MGST1: variants seen among roughly 807,000 people sequenced by gnomAD.
MGST1 encodes the protein glutathione S-transferase 12.
Under a neutral mutation model 8.9 loss-of-function variants are expected in MGST1, and 5 were observed. The ratio of observed to expected loss-of-function variants is 0.56; its 90% confidence interval spans 0.29 to 1.19. The LOEUF (loss-of-function observed/expected upper bound fraction) is 1.19. Ranked by LOEUF, MGST1 falls within the 50% of genes most tolerant of loss-of-function variation. The probability of loss-of-function intolerance (pLI) is 0.08; values close to 1 mark genes in which losing one functional copy is unlikely to be tolerated. For synonymous variants in MGST1, 54 were observed against 67.8 expected (o/e 0.80, Z 1.00); for missense variants, 182 against 187.4 (o/e 0.97, Z 0.17).
intron 4 of MGST1, among the ~76,000 whole-genome samples, chr12:16,543,921 T>G (rs547334695): frequency 1.3e-5 from 2 of 152,236 alleles, no homozygotes; most frequent in South Asian, 4.1e-4. Flanking sequence ...GATAAATTCT[T>G]AAGTCATCAT....
At chr12:16,571,505 G>A (rs187252318) in intron 4 of MGST1, among the ~76,000 whole-genome samples, 3 of 151,882 alleles carry the variant, frequency 2.0e-5, no homozygotes, top group Non-Finnish European at 2.9e-5. Context: ...TAAAAGCAAG[G>A]GTATTCATAT....
chr12:16,447,345 G>A (rs1248381657), intron 4 of MGST1, among the ~76,000 whole-genome samples: 1 of 151,960 alleles, frequency 6.6e-6, no homozygotes, highest in Non-Finnish European at 1.5e-5. Context: ...GTATAACCTT[G>A]AGTTGCTTTT....
In MGST1 at chr12:16,560,029, A is replaced by G. The variant is rs949268170; in HGVS notation, n.483-29499A>G. Among the ~76,000 whole-genome samples the G allele has an allele frequency of 6.6e-6, 1 of 152,100 alleles. No individual in the cohort carries two copies. Among genetic ancestry groups the G allele is most frequent in the Non-Finnish European group, 1.5e-5 (1 of 68,006 alleles). ...ATAAAAAATAATAAGAATATAAAAT[A>G]CCTGCAACAAATTCCTGTATATTTG... On this transcript the variant is annotated intron_variant and non_coding_transcript_variant, in intron 4 of 4. Coordinates refer to the MGST1 transcript ENST00000538857. This position sits in a 1 kb window ranked among gnomAD's most constrained non-coding sequence, Gnocchi z 5.0.
Position 16,389,266 on chromosome 12 carries a change from C to T in MGST1, n.778+5662C>T, listed in dbSNP as rs960385847. 2.0e-5 allele frequency among the ~76,000 whole-genome samples: 3 copies of T among 152,168 alleles called. No individual in the cohort carries two copies. The highest frequency in any genetic ancestry group is 2.0e-4 in the Admixed American group (3 of 15,288). Reference sequence around the variant, plus strand: ...GAAATAGTTTGTTTACTCGATGCATCAACAGTTTGTATCTCAACAGTCATT... The same window carrying T: ...GAAATAGTTTGTTTACTCGATGCATTAACAGTTTGTATCTCAACAGTCATT... On this transcript the variant is annotated intron_variant and non_coding_transcript_variant, in intron 1 of 1. Transcript: ENST00000359720. The surrounding 1 kb of genome is among the most constrained non-coding windows in gnomAD (Gnocchi z 4.6).
chr12:16,555,340 CTTAT>C lies in MGST1; in HGVS notation n.483-34182_483-34179del, dbSNP rs1040349998. ...GCTTATTCTGATGTTTCCCAAAGCA[CTTAT>C]TTATTGGTGTATTGTTTATTTTGGT... is the stretch of plus-strand genomic sequence containing the variant. On this transcript the variant is annotated intron_variant and non_coding_transcript_variant, in intron 4 of 4. Transcript: ENST00000538857. This position sits in a 1 kb window ranked among gnomAD's most constrained non-coding sequence, Gnocchi z 5.5. Among the ~76,000 whole-genome samples the C allele has an allele frequency of 3.3e-5, 5 of 152,270 alleles. No homozygotes were observed. The highest frequency in any genetic ancestry group is 2.6e-4 in the Admixed American group (4 of 15,302).
rs1345047151 is a variant in MGST1, at chr12:16,354,133, A to G, written c.-22-98A>G. On this transcript the variant is annotated intron_variant, in intron 1 of 3. Coordinates refer to ENST00000396210, the MANE Select transcript of MGST1 (RefSeq NM_020300.5). Reference sequence around the variant, plus strand: ...AATAGTCCAAGATATTTTTAAGAACAGTATAATTAATGCTGCAATATAAGA... The same window carrying G: ...AATAGTCCAAGATATTTTTAAGAACGGTATAATTAATGCTGCAATATAAGA... 3 of 850,500 alleles carry G rather than the reference A, an allele frequency of 3.5e-6. No individual in the cohort carries two copies. The African/African-American group carries it at 5.3e-5, about 15-fold the overall frequency. 52.7% of individuals were successfully genotyped at this position (850,500 alleles called of 1,614,324 possible). A position where few individuals can be genotyped will look rare whatever the true frequency, so the allele number is the denominator to read the frequency against.
At chr12:16,393,959 T>C (rs943615148) in intron 1 of MGST1, among the ~76,000 whole-genome samples, 6 of 152,258 alleles carry the variant, frequency 3.9e-5, no homozygotes, top group Non-Finnish European at 7.3e-5. Flanking sequence ...TTTTTGCTAT[T>C]ATAAATAATG....
At chr12:16,527,918 A>G (rs1941699154) in intron 4 of MGST1, among the ~76,000 whole-genome samples, 5 of 152,016 alleles carry the variant, frequency 3.3e-5, no homozygotes, top group Admixed American at 3.3e-4. Context: ...AGAAGGTGCT[A>G]TTATCATCAA....
At chr12:16,552,012 T>C (rs1942006886) in intron 4 of MGST1, among the ~76,000 whole-genome samples, 1 of 152,032 alleles carries the variant, frequency 6.6e-6, no homozygotes, top group Non-Finnish European at 1.5e-5. Context: ...CTAAATGAAC[T>C]ACTTAATATT....
rs192666464 is a variant in MGST1, at chr12:16,564,446, G to A, written n.483-25082G>A. On this transcript the variant is annotated intron_variant and non_coding_transcript_variant, in intron 4 of 4. Coordinates refer to the MGST1 transcript ENST00000538857. ...GGTTTAGTGTATATCCATTTCTAACGTTCCTGCGGACTGGGGGTAGGGAAA... is the reference window on the plus strand; with the variant it reads ...GGTTTAGTGTATATCCATTTCTAACATTCCTGCGGACTGGGGGTAGGGAAA... Among the ~76,000 whole-genome samples, 67 of 152,316 alleles carry A rather than the reference G, an allele frequency of 4.4e-4. 1 individual carries two copies. Among genetic ancestry groups the A allele is most frequent in the African/African-American group, 1.6e-3 (65 of 41,574 alleles).
In MGST1 at chr12:16,482,748, A is replaced by T. The variant is rs1416152783; in HGVS notation, n.482+99144A>T. On this transcript the variant is annotated intron_variant and non_coding_transcript_variant, in intron 4 of 4. Coordinates refer to the MGST1 transcript ENST00000538857. The surrounding 1 kb of genome is among the most constrained non-coding windows in gnomAD (Gnocchi z 4.2). ...TGGAGAAGGGAAAAGATAATGGCTG[A>T]GATACGCAAAGGATTAGACTATCAT... Among the ~76,000 whole-genome samples, 1 of 152,208 alleles carries T rather than the reference A, an allele frequency of 6.6e-6. No homozygotes were observed. Among genetic ancestry groups the T allele is most frequent in the East Asian group, 1.9e-4 (1 of 5,194 alleles).
chr12:16,353,477 G>A (rs891173617), intron 1 of MGST1: 8 of 152,172 alleles, frequency 5.3e-5, no homozygotes, highest in South Asian at 2.1e-4. Flanking sequence ...TGTAAGTTGG[G>A]TCTCCAAAGC....
chr12:16,557,455 A>C (rs1227207342), intron 4 of MGST1, among the ~76,000 whole-genome samples: 1 of 151,854 alleles, frequency 6.6e-6, no homozygotes, highest in Admixed American at 6.6e-5. Context: ...TGCTAGGAGA[A>C]TAATTGGTAT....
Position 16,401,391 on chromosome 12 carries a change from A to C in MGST1, n.778+17787A>C. On this transcript the variant is annotated intron_variant and non_coding_transcript_variant, in intron 1 of 1. Coordinates refer to the MGST1 transcript ENST00000359720. The surrounding 1 kb of genome is among the most constrained non-coding windows in gnomAD (Gnocchi z 4.3). The stretch of plus-strand genomic sequence containing the variant: ...CCACCCCAAATCCTAGGTTTCTGGT[A>C]ATTTTGTTCAGGAGTTCTGGCTTCT... The C allele has an allele frequency of 9.2e-7, 1 of 1,090,954 alleles. No homozygotes were observed. The highest frequency in any genetic ancestry group is 1.4e-6 in the Non-Finnish European group (1 of 707,986). The allele number at this position is 1,090,954 out of a possible 1,614,324, so 67.6% of individuals were successfully genotyped here. A position where few individuals can be genotyped will look rare whatever the true frequency, so the allele number is the denominator to read the frequency against.
chr12:16,535,387 A>G (rs1941749724), intron 4 of MGST1, among the ~76,000 whole-genome samples: 2 of 152,198 alleles, frequency 1.3e-5, no homozygotes, highest in Admixed American at 1.3e-4. Flanking sequence ...AGGTAATGAT[A>G]TTTAGAAATT....
rs1207923508 is a variant in MGST1, at chr12:16,375,371, G to A, written c.222-751G>A. ...AATGATTAAATTAATTAAACACAAA[G>A]AGCAGTTCCTAAACATTGAAAGTAA... On this transcript the variant is annotated intron_variant, in intron 3 of 3. Transcript: ENST00000535309. 5.9e-5 allele frequency among the ~76,000 whole-genome samples: 9 copies of A among 152,146 alleles called. No individual in the cohort carries two copies. In the East Asian group the frequency reaches 1.7e-3, roughly 29 times the overall value.
chr12:16,496,140 C>T (rs1477695416), intron 4 of MGST1, among the ~76,000 whole-genome samples: 3 of 152,052 alleles, frequency 2.0e-5, no homozygotes, highest in African/African-American at 7.2e-5. Context: ...AGCAATTCTG[C>T]TCCTAGGCAT....
intron 1 of MGST1, among the ~76,000 whole-genome samples, chr12:16,406,660 C>T (rs1190645403): frequency 6.6e-5 from 10 of 152,202 alleles, no homozygotes; most frequent in Non-Finnish European, 1.5e-4. Flanking sequence ...TCAAACTATA[C>T]TACAGGGCTA....
chr12:16,347,638 C>G (rs368318400), upstream of MGST1: 1 of 152,278 alleles, frequency 6.6e-6, no homozygotes, highest in African/African-American at 2.4e-5. This position sits in a 1 kb window ranked among gnomAD's most constrained non-coding sequence, Gnocchi z 4.0. Context: ...CCGGCCCGCG[C>G]GGCCACAGTC....
Sources: gnomAD v4.1 joint callset for allele counts (sites outside exome capture counted in the v4.1 genomes callset) on GRCh38, gnomAD v4.1.1 for gene constraint, Gnocchi (gnomAD v3.1) non-coding constraint, MANE v1.5 for transcripts, NCBI Gene and HGNC (gene_info 2026-07-23, HGNC 2026-07-21) for gene names.